Variants in KAT6B observed in about 807,000 individuals in gnomAD.
KAT6B encodes histone acetyltransferase KAT6B.
Under a neutral mutation model 187.5 loss-of-function variants are expected in KAT6B, and 10 were observed. The ratio of observed to expected loss-of-function variants is 0.05; its 90% CI spans 0.03 to 0.09. The LOEUF is 0.09. Ranked by LOEUF, KAT6B falls within the 10% of genes least tolerant of loss-of-function variation. The pLI, the probability that KAT6B is intolerant of heterozygous loss-of-function variation, is 1.00. For synonymous variants in KAT6B, 861 were observed against 926.8 expected (o/e 0.93, Z 1.29); for missense variants, 1,952 against 2,558.9 (o/e 0.76, Z 5.12).
At chr10:75,005,336 G>A (rs924827008) in intron 13 of KAT6B, among the ~76,000 whole-genome samples, 1 of 151,728 alleles carries the variant, frequency 6.6e-6, no homozygotes, top group Non-Finnish European at 1.5e-5. Flanking sequence ...TCCTGCCTCA[G>A]TCTCCTGAGT....
intron 17 of KAT6B, chr10:75,025,638 G>T: frequency 4.6e-6 from 1 of 218,616 alleles, no homozygotes; most frequent in Non-Finnish European, 9.3e-6. Flanking sequence ...AGCATTGAAT[G>T]GAATCGTTTC....
rs1554846212 is a variant in KAT6B at position 75,030,037 on chromosome 10, C to T, written c.5213C>T (p.Thr1738Ile). The change falls in exon 18 of 18, where the codon ACC (threonine) becomes ATC (isoleucine). Residue 1738 changes from threonine (T) to isoleucine (I), a missense_variant. By Grantham distance (89) the Thr-to-Ile change is moderately conservative. Around this residue, in one of 9 missense-constraint regions of KAT6B, gnomAD observed 87 missense variants for 167.5 expected, o/e 0.52. Coordinates refer to ENST00000287239, the MANE Select transcript of KAT6B (RefSeq NM_012330.4). This position sits in a 1 kb window ranked among gnomAD's most constrained non-coding sequence, Gnocchi z 4.8. The stretch of plus-strand genomic sequence containing the variant: ...GGGAGCTGCAGCATGCTGCAGCAAA[C>T]CAGCATCAGCTCCCCTCCGACCTGC... Reference protein sequence around the residue: ...ISGSCSMLQQTSISSPPTCSV... With the variant: ...ISGSCSMLQQISISSPPTCSV... The T allele has an allele frequency of 6.2e-7, 1 of 1,614,228 alleles. No individual in the cohort carries two copies. Among genetic ancestry groups the T allele is most frequent in the Non-Finnish European group, 8.5e-7 (1 of 1,180,040 alleles).
In KAT6B at chr10:74,928,629, C is replaced by T. The variant is rs139120990; in HGVS notation, c.622-31341C>T. On this transcript the variant is annotated intron_variant, in intron 3 of 17. Coordinates refer to ENST00000287239, the MANE Select transcript of KAT6B (RefSeq NM_012330.4). Reference sequence around the variant, plus strand: ...GGTTTTTAGTCTGTGTCTTAAAATTCTTAGCTCACTTATGTCATTTGTCAT... The same window carrying T: ...GGTTTTTAGTCTGTGTCTTAAAATTTTTAGCTCACTTATGTCATTTGTCAT... Among the ~76,000 whole-genome samples, 554 of 152,196 alleles carry T rather than the reference C, an allele frequency of 3.6e-3. 4 individuals are homozygous for T. Among genetic ancestry groups the T allele is most frequent in the African/African-American group, 0.013 (528 of 41,538 alleles).
intron 3 of KAT6B, among the ~76,000 whole-genome samples, chr10:74,951,320 C>T (rs1017876552): frequency 4.0e-5 from 6 of 151,844 alleles, no homozygotes; most frequent in East Asian, 3.9e-4. Context: ...TAAGTAGAGA[C>T]GGGGTTTCAC....
intron 3 of KAT6B, among the ~76,000 whole-genome samples, chr10:74,887,146 A>T (rs1845338655): frequency 6.6e-6 from 1 of 152,050 alleles, no homozygotes; most frequent in Admixed American, 6.6e-5. Flanking sequence ...AGAGTTACCC[A>T]ATGCCCTGGG....
At chr10:74,851,177 G>A (rs1842453570) in intron 3 of KAT6B, among the ~76,000 whole-genome samples, 1 of 151,614 alleles carries the variant, frequency 6.6e-6, no homozygotes, top group Non-Finnish European at 1.5e-5. Flanking sequence ...GCGCAATCTC[G>A]GCTCACTGCA....
At position 74,960,006 on chromosome 10, in the gene KAT6B, T is replaced by C. The variant is rs899355890; in HGVS notation, c.658T>C (p.Leu220=). Residue 220 remains leucine (L), a synonymous_variant, in exon 4 of 18, where the codon TTG becomes CTG. Transcript: ENST00000287239. ...TCCCATTCCAATATGTAGCTTCTGT[T>C]TGGGGACTAAAGAATCAAATCGTGA... ...ADPIPICSFC[L]GTKESNREKK... is the part of the protein sequence containing the mutation. The C allele has an allele frequency of 1.2e-6, 2 of 1,613,536 alleles. No individual in the cohort carries two copies. The highest frequency in any genetic ancestry group is 1.3e-5 in the African/African-American group (1 of 75,044).
Position 75,030,184 on chromosome 10 carries a change from C to G in KAT6B, c.5360C>G (p.Thr1787Arg). 1 of 1,614,218 alleles carries G rather than the reference C, an allele frequency of 6.2e-7. No homozygotes were observed. The highest frequency in any genetic ancestry group is 8.5e-7 in the Non-Finnish European group (1 of 1,180,038). ...ATGCAGCTGGCTGAAATCCCCGAGACGAGCAACGCCAACATTGGCTTATAC... is the reference window on the plus strand; with the variant it reads ...ATGCAGCTGGCTGAAATCCCCGAGAGGAGCAACGCCAACATTGGCTTATAC... Reference protein sequence around the residue: ...PPMQLAEIPETSNANIGLYER... With the variant: ...PPMQLAEIPERSNANIGLYER... Residue 1787 changes from threonine to arginine, a missense_variant, in exon 18 of 18, where the codon ACG becomes AGG. Thr to Arg is a moderately conservative substitution (Grantham distance 71). Around this residue, in one of 9 missense-constraint regions of KAT6B, gnomAD observed 358 missense variants for 436.3 expected, o/e 0.82. Transcript: ENST00000287239. This position sits in a 1 kb window ranked among gnomAD's most constrained non-coding sequence, Gnocchi z 4.8.
At chr10:74,862,136 A>C (rs1843229079) in intron 3 of KAT6B, among the ~76,000 whole-genome samples, 1 of 152,214 alleles carries the variant, frequency 6.6e-6, no homozygotes, top group Admixed American at 6.5e-5. Flanking sequence ...TCAGAATAGA[A>C]AACCAAAAAT....
chr10:74,855,220 A>G (rs1020768436), intron 3 of KAT6B, among the ~76,000 whole-genome samples: 11 of 152,186 alleles, frequency 7.2e-5, no homozygotes, highest in African/African-American at 2.2e-4. Flanking sequence ...TGAGGCCTGC[A>G]GGAAGGAGGT....
At chr10:74,860,284 G>A (rs564083410) in intron 3 of KAT6B, among the ~76,000 whole-genome samples, 1 of 152,204 alleles carries the variant, frequency 6.6e-6, no homozygotes, top group Admixed American at 6.5e-5. Flanking sequence ...TAGTTAAAAC[G>A]TGTATTTGTG....
At chr10:74,980,254 G>A (rs1842425740) in intron 10 of KAT6B, among the ~76,000 whole-genome samples, 1 of 152,056 alleles carries the variant, frequency 6.6e-6, no homozygotes, top group African/African-American at 2.4e-5. Flanking sequence ...TCCCAAAATG[G>A]GTACATTGAG....
intron 13 of KAT6B, among the ~76,000 whole-genome samples, chr10:74,992,690 G>A (rs763599544): frequency 6.6e-6 from 1 of 152,194 alleles, no homozygotes; most frequent in Non-Finnish European, 1.5e-5. Flanking sequence ...CTGTTCTTCA[G>A]GGCAGCAGAG....
chr10:74,997,684 A>C (rs1843531801), intron 13 of KAT6B, among the ~76,000 whole-genome samples: 2 of 152,172 alleles, frequency 1.3e-5, no homozygotes, highest in African/African-American at 4.8e-5. Context: ...AACTTACCCA[A>C]ATCTAACTAA....
chr10:74,962,827 AT>A (rs1841195894), intron 4 of KAT6B, among the ~76,000 whole-genome samples: 1 of 151,714 alleles, frequency 6.6e-6, no homozygotes, highest in Non-Finnish European at 1.5e-5. Context: ...AATGGGCAGT[AT>A]TTTCTTTAAC....
chr10:74,851,607 A>G (rs142910624), intron 3 of KAT6B, among the ~76,000 whole-genome samples: 46 of 152,306 alleles, frequency 3.0e-4, no homozygotes, highest in African/African-American at 1.0e-3. Flanking sequence ...CTGGGATTAC[A>G]GGCATGAGCC....
intron 3 of KAT6B, among the ~76,000 whole-genome samples, chr10:74,851,229 T>C (rs1194574888): frequency 2.0e-5 from 3 of 151,768 alleles, no homozygotes; most frequent in Non-Finnish European, 1.5e-5. Context: ...TGCCTCAGCC[T>C]CCTGAGTAGT....
chr10:75,028,732 G>A lies in KAT6B; in HGVS notation c.3908G>A (p.Ser1303Asn), dbSNP rs770602078. The A allele has an allele frequency of 2.6e-5, 42 of 1,614,024 alleles. No homozygotes were observed. The South Asian group carries it at 4.0e-4, about 15-fold the overall frequency. Reference protein sequence around the residue: ...KETSEGKTSPSPIRIEEEVKE... With the variant: ...KETSEGKTSPNPIRIEEEVKE... The stretch of plus-strand genomic sequence containing the variant: ...ACTTCAGAAGGAAAAACCAGCCCCA[G>A]TCCCATCAGGATTGAGGAGGAGGTC... The change falls in exon 18 of 18, where the codon AGT (serine) becomes AAT (asparagine). Residue 1303 changes from serine (S) to asparagine (N), a missense_variant. Transcript: ENST00000287239.
intron 13 of KAT6B, among the ~76,000 whole-genome samples, chr10:75,000,754 T>C (rs980647527): frequency 1.3e-5 from 2 of 152,188 alleles, no homozygotes; most frequent in Admixed American, 6.5e-5. Flanking sequence ...TATTAAAATA[T>C]TGGGCAGTCC....
Sources: gnomAD v4.1 joint callset for allele counts (sites outside exome capture counted in the v4.1 genomes callset) on GRCh38, gnomAD v4.1.1 for gene constraint, gnomAD v4.1.1 regional missense constraint, Gnocchi (gnomAD v3.1) non-coding constraint, MANE v1.5 for transcripts, NCBI Gene and HGNC (gene_info 2026-07-23, HGNC 2026-07-21) for gene names.